The following PTPRB variants were observed in gnomAD, a reference collection of about 807,000 sequenced individuals.
The protein encoded by PTPRB is protein tyrosine phosphatase receptor type B, also known as receptor-type tyrosine-protein phosphatase beta.
In PTPRB, 97 loss-of-function variants were observed where a neutral mutation model predicts 238.1. The observed-to-expected ratio is 0.41, with a 90% CI of 0.35 to 0.48. The LOEUF (loss-of-function observed/expected upper bound fraction) is 0.48. PTPRB is among the 20% of genes least tolerant of loss of function. The pLI is 0.30. For synonymous variants in PTPRB, 970 were observed against 995.4 expected, an observed-to-expected ratio of 0.97 and a Z score of 0.48; for missense variants, 2,292 against 2,681.9, an observed-to-expected ratio of 0.85 and a Z score of 3.21.
chr12:70,535,322 A>G (rs1022182231), intron 29 of PTPRB, among the ~76,000 whole-genome samples: 1 of 150,430 alleles, frequency 6.6e-6, no homozygotes, highest in Admixed American at 6.7e-5. Flanking sequence ...AAAGAAAGAA[A>G]TATCTAGTTG....
chr12:70,548,338 TCTCTCTCTCACA>T (rs763461459), intron 21 of PTPRB, among the ~76,000 whole-genome samples: 55 of 38,412 alleles, frequency 1.4e-3, no homozygotes, highest in Non-Finnish European at 2.2e-3. Context: ...TCTCTCTCTC[TCTCTCTCTCACA>T]CACACACACA....
At chr12:70,538,080 T>C (rs1874448344) in intron 28 of PTPRB, 75 bp downstream of exon 28, 2 of 1,197,844 alleles carry the variant, frequency 1.7e-6, no homozygotes, top group Non-Finnish European at 1.2e-6. Flanking sequence ...AACAGGAACA[T>C]GGAGGAGTGG....
At chr12:70,593,481 C>G (rs1047374848) in intron 6 of PTPRB, among the ~76,000 whole-genome samples, 2 of 143,674 alleles carry the variant, frequency 1.4e-5, no homozygotes, top group African/African-American at 2.6e-5. Flanking sequence ...CCATTGCACT[C>G]CAGCCCAGCC....
intron 32 of PTPRB, among the ~76,000 whole-genome samples, chr12:70,528,745 A>C (rs1872752253): frequency 2.0e-5 from 3 of 152,226 alleles, no homozygotes; most frequent in African/African-American, 2.4e-5. Context: ...AGATTGCTTG[A>C]GCACAGAGTT....
Position 70,626,362 on chromosome 12 carries a change from T to TTC in PTPRB, c.452-3717_452-3716insGA, listed in dbSNP as rs1566023314. ...ATCTATCTATCTATCTATCTATCTA[T>TTC]CTATATTCCTGCCTGCCTGCCTGCC... On this transcript the variant is annotated intron_variant, in intron 2 of 33. Coordinates refer to ENST00000334414, the MANE Select transcript of PTPRB (RefSeq NM_001109754.4). Among the ~76,000 whole-genome samples the TTC allele has an allele frequency of 3.9e-4, 45 of 116,628 alleles. 1 individual carries two copies. Among genetic ancestry groups the TTC allele is most frequent in the Admixed American group, 3.2e-3 (37 of 11,664 alleles). The allele number at this position is 116,628 out of a possible 152,430, so 76.5% of individuals were successfully genotyped here.
intron 9 of PTPRB, 54 bp downstream of exon 9, chr12:70,586,953 T>C (rs1385751127): frequency 2.0e-6 from 3 of 1,519,428 alleles, no homozygotes; most frequent in Non-Finnish European, 2.7e-6. Context: ...GCATGTTAAA[T>C]AGTAATTCAG....
In PTPRB at chr12:70,629,639, A is replaced by C. The variant is rs543921561; in HGVS notation, c.451+6032T>G. The stretch of plus-strand genomic sequence containing the variant: ...ATAGAGACACAAAAAACCCTTCAAA[A>C]TATCAGTGAATCCAGGAGCTGTTAT... On this transcript the variant is annotated intron_variant, in intron 2 of 33. Transcript: ENST00000334414. Among the ~76,000 whole-genome samples, 12 of 152,352 alleles carry C rather than the reference A, an allele frequency of 7.9e-5. No individual in the cohort carries two copies. The South Asian group carries it at 2.3e-3, about 29-fold the overall frequency.
At position 70,560,954 on chromosome 12, in the gene PTPRB, G is replaced by T; in HGVS notation, c.4169-20C>A. 6.2e-7 allele frequency: 1 copy of T among 1,605,520 alleles called. No individual in the cohort carries two copies. Among genetic ancestry groups the T allele is most frequent in the Non-Finnish European group, 8.5e-7 (1 of 1,173,294 alleles). On this transcript the variant is annotated intron_variant, in intron 16 of 33. Transcript: ENST00000334414. The surrounding 1 kb of genome is among the most constrained non-coding windows in gnomAD (Gnocchi z 4.2). ...CTGGGACTTAAACAGAAGAAAAATT[G>T]TTACTGAGAACAAAACAGAAACACA... is the stretch of plus-strand genomic sequence containing the variant.
chr12:70,616,016 A>G (rs577029811), intron 3 of PTPRB, among the ~76,000 whole-genome samples: 2 of 152,180 alleles, frequency 1.3e-5, no homozygotes, highest in East Asian at 3.9e-4. Context: ...TCTCAATAAT[A>G]TCCTTTTTTT....
At chr12:70,605,379 G>A (rs765806509) in intron 4 of PTPRB, among the ~76,000 whole-genome samples, 29 of 151,882 alleles carry the variant, frequency 1.9e-4, no homozygotes, top group Non-Finnish European at 3.1e-4. Flanking sequence ...CTCATCATCC[G>A]TGCCCAGATC....
chr12:70,588,109 A>AAAAG (rs1274839642), intron 8 of PTPRB, among the ~76,000 whole-genome samples: 2,795 of 136,016 alleles, frequency 0.021, 36 homozygotes, highest in Non-Finnish European at 0.032. Flanking sequence ...AAAAAAAAAA[A>AAAAG]AAAAGAAAAG....
At position 70,560,985 on chromosome 12, in the gene PTPRB, T is replaced by C; in HGVS notation, c.4169-51A>G. 6.4e-7 allele frequency: 1 copy of C among 1,556,430 alleles called. No individual in the cohort carries two copies. Among genetic ancestry groups the C allele is most frequent in the Non-Finnish European group, 8.8e-7 (1 of 1,131,664 alleles). On this transcript the variant is annotated intron_variant, in intron 16 of 33. Transcript: ENST00000334414. The surrounding 1 kb of genome is among the most constrained non-coding windows in gnomAD (Gnocchi z 4.2). ...GAGAACAAAACAGAAACACAGGCAT[T>C]TTGGCCCACAGGTGAGAGTATATGC... is the stretch of plus-strand genomic sequence containing the variant.
chr12:70,595,112 G>T (rs1299672900), intron 5 of PTPRB, among the ~76,000 whole-genome samples: 1 of 152,104 alleles, frequency 6.6e-6, no homozygotes, highest in Non-Finnish European at 1.5e-5. Context: ...GGAATACTAG[G>T]CAGCCATAAA....
chr12:70,616,237 C>T (rs925887445), intron 3 of PTPRB, among the ~76,000 whole-genome samples: 6 of 152,132 alleles, frequency 3.9e-5, no homozygotes, highest in Non-Finnish European at 7.4e-5. Context: ...AGCCACTGCA[C>T]CCAGCCTCTT....
At chr12:70,602,444 C>G (rs1883589387) in intron 4 of PTPRB, among the ~76,000 whole-genome samples, 1 of 152,194 alleles carries the variant, frequency 6.6e-6, no homozygotes, top group Non-Finnish European at 1.5e-5. Context: ...CTGGACCCCT[C>G]TTCTAATCAG....
chr12:70,627,901 G>A (rs941699287), intron 2 of PTPRB, among the ~76,000 whole-genome samples: 2 of 152,130 alleles, frequency 1.3e-5, no homozygotes, highest in African/African-American at 4.8e-5. Flanking sequence ...GTATTCACAA[G>A]TACTTCTGCC....
intron 2 of PTPRB, among the ~76,000 whole-genome samples, chr12:70,626,810 TGACTG>T (rs1245310391): frequency 6.6e-6 from 1 of 151,906 alleles, no homozygotes; most frequent in Non-Finnish European, 1.5e-5. Context: ...AAATAAGACT[TGACTG>T]GAATAGATGG....
At chr12:70,531,960 A>T in intron 32 of PTPRB, 75 bp downstream of exon 32, 1 of 1,532,312 alleles carries the variant, frequency 6.5e-7, no homozygotes, top group Non-Finnish European at 9.0e-7. Flanking sequence ...TTGTCAGATT[A>T]AGGTCCTGGA....
In PTPRB at chr12:70,519,059, A is replaced by C. The variant is rs780278623; in HGVS notation, c.*2430T>G. 5 of 152,320 alleles carry C rather than the reference A, an allele frequency of 3.3e-5. No individual in the cohort carries two copies. Among genetic ancestry groups the C allele is most frequent in the Non-Finnish European group, 5.9e-5 (4 of 68,032 alleles). 9.4% of individuals were successfully genotyped at this position (152,320 alleles called of 1,614,324 possible). A position where few individuals can be genotyped will look rare whatever the true frequency, so the allele number is the denominator to read the frequency against. On this transcript the variant is annotated 3_prime_UTR_variant, in exon 34 of 34. Transcript: ENST00000334414. ...AGTCTTCCCAGGAGTAGGAGCGAAT[A>C]GTGAAATATTTGTTGCTAAGAAGGT...
Sources: gnomAD v4.1 joint callset for allele counts (sites outside exome capture counted in the v4.1 genomes callset) on GRCh38, gnomAD v4.1.1 for gene constraint, Gnocchi (gnomAD v3.1) non-coding constraint, MANE v1.5 for transcripts, NCBI Gene and HGNC (gene_info 2026-07-23, HGNC 2026-07-21) for gene names.